QSOX1: variants seen among roughly 807,000 people sequenced by gnomAD.
QSOX1 encodes quiescin sulfhydryl oxidase 1.
A neutral mutation model predicts 76.1 loss-of-function variants in QSOX1; 40 were observed. That is an observed-to-expected ratio of 0.53 (90% CI 0.41 to 0.68). The LOEUF is 0.68. QSOX1 is among the 30% of genes least tolerant of loss of function. The probability of loss-of-function intolerance (pLI) is 0.00; values close to 1 mark genes in which losing one functional copy is unlikely to be tolerated. For synonymous variants in QSOX1, 392 were observed against 413.1 expected, an observed-to-expected ratio of 0.95 and a Z score of 0.62; for missense variants, 931 against 974.3, an observed-to-expected ratio of 0.96 and a Z score of 0.59.
At chr1:180,184,752 C>T (rs752139697) in intron 7 of QSOX1, among the ~76,000 whole-genome samples, 2 of 152,142 alleles carry the variant, frequency 1.3e-5, no homozygotes, top group Non-Finnish European at 2.9e-5. Flanking sequence ...GACGGTGCCC[C>T]TCACAAGGGG....
Position 180,161,883 on chromosome 1 carries a change from C to T in QSOX1, c.266-4608C>T, listed in dbSNP as rs73038412. Among the ~76,000 whole-genome samples the T allele has an allele frequency of 8.8e-3, 1,332 of 152,214 alleles. 24 individuals carry two copies. The highest frequency in any genetic ancestry group is 0.03 in the African/African-American group (1,242 of 41,510). On this transcript the variant is annotated intron_variant, in intron 1 of 11. Transcript: ENST00000367602. ...CTTTCCCAGTCCAATCGTATTATCT[C>T]GAAGTTATCAGAAATGGTACTTATC...
At chr1:180,164,343 T>C (rs1048884276) in intron 1 of QSOX1, among the ~76,000 whole-genome samples, 1 of 152,206 alleles carries the variant, frequency 6.6e-6, no homozygotes, top group Admixed American at 6.5e-5. Context: ...TCATAGGATG[T>C]AGCTCACCTC....
chr1:180,162,061 GTAA>G (rs1428249432), intron 1 of QSOX1, among the ~76,000 whole-genome samples: 5 of 152,182 alleles, frequency 3.3e-5, no homozygotes, highest in Non-Finnish European at 5.9e-5. Context: ...AGAGTTCATA[GTAA>G]TAATGACACA....
intron 5 of QSOX1, 26 bp downstream of exon 5, chr1:180,178,910 A>G (rs1241084493): frequency 1.3e-6 from 2 of 1,587,310 alleles, no homozygotes; most frequent in Admixed American, 3.3e-5. Context: ...GTTCCCTGCA[A>G]TTCTTGGATA....
chr1:180,175,451 G>A, intron 3 of QSOX1, 85 bp downstream of exon 3: 2 of 1,459,352 alleles, frequency 1.4e-6, no homozygotes, highest in Non-Finnish European at 1.9e-6. Flanking sequence ...GGTGGAGAAA[G>A]CCCTGGCAGT....
Position 180,196,861 on chromosome 1 carries a change from G to C in QSOX1, c.2068G>C (p.Ala690Pro), listed in dbSNP as rs1444022475. The C allele has an allele frequency of 4.4e-6, 7 of 1,601,240 alleles. No individual in the cohort carries two copies. The highest frequency in any genetic ancestry group is 2.2e-5 in the East Asian group (1 of 44,668). Residue 690 changes from alanine to proline, a missense_variant, in exon 12 of 12, where the codon GCT (alanine) becomes CCT (proline). Transcript: ENST00000367602. The surrounding 1 kb of genome is among the most constrained non-coding windows in gnomAD (Gnocchi z 4.1). ...DIPEGQLEAR[A>P]GRGRGQWLQV... ...CCCTGAGGGCCAGCTGGAGGCCCGA[G>C]CTGGACGGGGCCGAGGCCAGTGGCT...
chr1:180,156,012 G>GA (rs1350866966), intron 1 of QSOX1, among the ~76,000 whole-genome samples: 2 of 152,084 alleles, frequency 1.3e-5, no homozygotes, highest in Admixed American at 1.3e-4. Context: ...AGAAGGATAG[G>GA]AAAAAACCAC....
rs1461271733 is a variant in QSOX1, at chr1:180,203,388, AAGGCAAGTGAGGTGCC to A, written c.*6355_*6370del. ...CTTAAGTCAGGGCTTGGACTAGAGC[AAGGCAAGTGAGGTGCC>A]AGGATGCAAAAGTTAAGGAGACACC... On this transcript the variant is annotated 3_prime_UTR_variant, in exon 12 of 12. Coordinates refer to ENST00000367602, the MANE Select transcript of QSOX1 (RefSeq NM_002826.5). 1 of 152,244 alleles carries A rather than the reference AAGGCAAGTGAGGTGCC, an allele frequency of 6.6e-6. No individual in the cohort carries two copies. The highest frequency in any genetic ancestry group is 1.9e-4 in the East Asian group (1 of 5,198). The allele number at this position is 152,244 out of a possible 1,614,324, so 9.4% of individuals were successfully genotyped here. A position where few individuals can be genotyped will look rare whatever the true frequency, so the allele number is the denominator to read the frequency against.
chr1:180,166,454 C>A (rs1268488234), intron 1 of QSOX1, 37 bp from the exon 2 acceptor site: 9 of 1,549,198 alleles, frequency 5.8e-6, no homozygotes, highest in Admixed American at 1.7e-5. Context: ...GGGGTACCAG[C>A]CCCTCTTATT....
At position 180,159,294 on chromosome 1, in the gene QSOX1, G is replaced by A. The variant is rs78187776; in HGVS notation, c.265+4122G>A. On this transcript the variant is annotated intron_variant, in intron 1 of 11. Transcript: ENST00000367602. ...CTAGACTGATACTACTGATCATTTT[G>A]GTGTTAGGCATTTAAGACACCTGAC... is the stretch of plus-strand genomic sequence containing the variant. Among the ~76,000 whole-genome samples, 1,172 of 152,330 alleles carry A rather than the reference G, an allele frequency of 7.7e-3. 8 individuals are homozygous for A. The highest frequency in any genetic ancestry group is 0.012 in the Non-Finnish European group (803 of 68,034).
chr1:180,167,287 G>A (rs952947156), intron 2 of QSOX1, among the ~76,000 whole-genome samples: 20 of 152,230 alleles, frequency 1.3e-4, no homozygotes, highest in Non-Finnish European at 1.3e-4. Flanking sequence ...TTCCAGATTA[G>A]AGAAGCCAAA....
intron 10 of QSOX1, among the ~76,000 whole-genome samples, chr1:180,190,947 G>T (rs538839636): frequency 6.6e-6 from 1 of 152,176 alleles, no homozygotes; most frequent in African/African-American, 2.4e-5. Flanking sequence ...AGAAAAAAAC[G>T]TGTATTTTAC....
rs1001442634 is a variant in QSOX1, at chr1:180,203,822, G to A, written c.*6785G>A. The A allele has an allele frequency of 6.6e-6, 1 of 152,228 alleles. No individual in the cohort carries two copies. The highest frequency in any genetic ancestry group is 1.5e-5 in the Non-Finnish European group (1 of 68,052). 9.4% of individuals were successfully genotyped at this position (152,228 alleles called of 1,614,324 possible). A position where few individuals can be genotyped will look rare whatever the true frequency, so the allele number is the denominator to read the frequency against. On this transcript the variant is annotated 3_prime_UTR_variant, in exon 12 of 12. Coordinates refer to ENST00000367602, the MANE Select transcript of QSOX1 (RefSeq NM_002826.5). The stretch of plus-strand genomic sequence containing the variant: ...AGTTAAACTGTATATCCCACTTGCT[G>A]TTTTCTGTCCCTAAATTCTCTCTGA...
intron 2 of QSOX1, among the ~76,000 whole-genome samples, chr1:180,170,847 G>A (rs969730953): frequency 6.6e-6 from 1 of 152,248 alleles, no homozygotes; most frequent in African/African-American, 2.4e-5. Flanking sequence ...ATTGAGAGAT[G>A]CCAGACACTG....
chr1:180,161,510 C>T (rs1662492570), intron 1 of QSOX1, among the ~76,000 whole-genome samples: 1 of 152,156 alleles, frequency 6.6e-6, no homozygotes. Flanking sequence ...AGAGCAGATA[C>T]TTATTGAACT....
chr1:180,168,814 A>G (rs1007006089), intron 2 of QSOX1, among the ~76,000 whole-genome samples: 3 of 152,242 alleles, frequency 2.0e-5, no homozygotes, highest in Admixed American at 6.5e-5. Flanking sequence ...TGCCCTTGGC[A>G]GAGGCTGACC....
chr1:180,159,504 C>T (rs1046863285), intron 1 of QSOX1, among the ~76,000 whole-genome samples: 8 of 152,188 alleles, frequency 5.3e-5, no homozygotes, highest in Admixed American at 3.9e-4. Context: ...ATTCTGGAAT[C>T]GGACAACACC....
At chr1:180,184,100 G>C (rs1416180052) in intron 7 of QSOX1, 50 bp downstream of exon 7, 2 of 1,596,100 alleles carry the variant, frequency 1.3e-6, no homozygotes, top group African/African-American at 1.3e-5. Flanking sequence ...TCTGATCACA[G>C]ACCACCACAC....
intron 7 of QSOX1, among the ~76,000 whole-genome samples, chr1:180,185,118 G>A (rs1663141424): frequency 6.6e-6 from 1 of 152,306 alleles, no homozygotes; most frequent in African/African-American, 2.4e-5. Context: ...GGACAGCAAA[G>A]TGGAACACAG....
Sources: allele counts gnomAD v4.1 joint callset (sites outside exome capture counted in the v4.1 genomes callset), GRCh38; gene constraint gnomAD v4.1.1; non-coding constraint Gnocchi (gnomAD v3.1); transcripts MANE v1.5; gene names NCBI Gene and HGNC (gene_info 2026-07-23, HGNC 2026-07-21).